Variants in MYO1D observed in about 807,000 individuals in gnomAD.
MYO1D encodes the protein unconventional myosin-Id.
MYO1D carries 83 observed loss-of-function variants against 122.0 expected under a neutral mutation model. The ratio of observed to expected loss-of-function variants is 0.68; its 90% CI spans 0.57 to 0.82. The LOEUF (loss-of-function observed/expected upper bound fraction) is 0.82. Ranked by LOEUF, MYO1D falls within the 40% of genes least tolerant of loss-of-function variation. The pLI is 0.00. For synonymous variants in MYO1D, 464 were observed against 446.9 expected, an observed-to-expected ratio of 1.04 and a Z score of -0.48; for missense variants, 1,157 against 1,269.5, an observed-to-expected ratio of 0.91 and a Z score of 1.35.
At chr17:32,747,658 G>A (rs920581867) in intron 12 of MYO1D, among the ~76,000 whole-genome samples, 3 of 152,054 alleles carry the variant, frequency 2.0e-5, no homozygotes, top group African/African-American at 4.8e-5. Flanking sequence ...CCAACATGGT[G>A]AAACCCCGTC....
At chr17:32,576,987 C>G (rs926291066) in intron 21 of MYO1D, among the ~76,000 whole-genome samples, 1 of 151,998 alleles carries the variant, frequency 6.6e-6, no homozygotes. Flanking sequence ...TGGTGGCTCA[C>G]GCCTGTAATC....
intron 1 of MYO1D, among the ~76,000 whole-genome samples, chr17:32,875,700 CCT>C (rs762532088): frequency 3.3e-5 from 5 of 152,076 alleles, no homozygotes; most frequent in African/African-American, 9.7e-5. Flanking sequence ...CTGATTGACC[CCT>C]GTCAACTGGA....
rs370054225 is a variant in MYO1D, at chr17:32,511,566, T to C, written c.2865-16651A>G. 2.6e-5 allele frequency among the ~76,000 whole-genome samples: 4 copies of C among 152,024 alleles called. No individual in the cohort carries two copies. In the South Asian group the frequency reaches 6.3e-4, roughly 24 times the overall value. ...CTCTAATGTCTGTAGGGCTTTATTT[T>C]ACATGTTTGAAAGAGGTTTTCGCCT... On this transcript the variant is annotated intron_variant, in intron 21 of 21. Transcript: ENST00000318217.
chr17:32,618,488 G>C (rs2087806957), intron 20 of MYO1D, among the ~76,000 whole-genome samples: 1 of 152,004 alleles, frequency 6.6e-6, no homozygotes, highest in African/African-American at 2.4e-5. Flanking sequence ...CAGGGATCAA[G>C]GGCACCATCA....
chr17:32,721,280 G>T (rs1481942743), intron 14 of MYO1D, 91 bp from the exon 15 acceptor site: 3 of 1,143,844 alleles, frequency 2.6e-6, no homozygotes. Flanking sequence ...ATTGTGTCAA[G>T]TTAAGCTCAG....
intron 19 of MYO1D, among the ~76,000 whole-genome samples, chr17:32,649,646 A>C (rs913852216): frequency 1.5e-5 from 2 of 135,092 alleles, no homozygotes; most frequent in African/African-American, 2.9e-5. Context: ...ATCTCAGCTC[A>C]CTGCAACCTC....
At chr17:32,533,119 T>C (rs1388046580) in intron 21 of MYO1D, among the ~76,000 whole-genome samples, 1 of 152,236 alleles carries the variant, frequency 6.6e-6, no homozygotes. Context: ...GACTTCTCTA[T>C]ATATTTTTTA....
intron 1 of MYO1D, among the ~76,000 whole-genome samples, chr17:32,832,270 CCTGA>C (rs1004469046): frequency 3.3e-5 from 5 of 151,484 alleles, no homozygotes; most frequent in African/African-American, 9.7e-5. Flanking sequence ...CACCACCACA[CCTGA>C]CTAATTTTTT....
chr17:32,762,871 CA>C (rs1446284453), intron 8 of MYO1D, among the ~76,000 whole-genome samples: 8 of 77,458 alleles, frequency 1.0e-4, no homozygotes, highest in Non-Finnish European at 1.2e-4. Context: ...GACACCGTCT[CA>C]AAAAAAAAAG....
At chr17:32,524,441 G>A (rs546742414) in intron 21 of MYO1D, among the ~76,000 whole-genome samples, 2 of 152,170 alleles carry the variant, frequency 1.3e-5, no homozygotes, top group South Asian at 4.2e-4. Context: ...CACCCAGGCT[G>A]GAGTGCGGTG....
chr17:32,525,717 G>T (rs2097755851), intron 21 of MYO1D, among the ~76,000 whole-genome samples: 1 of 152,156 alleles, frequency 6.6e-6, no homozygotes, highest in Non-Finnish European at 1.5e-5. Context: ...CCTCCCTGCA[G>T]TTTCTAATTG....
chr17:32,561,998 T>C (rs923084084), intron 21 of MYO1D, among the ~76,000 whole-genome samples: 3 of 150,254 alleles, frequency 2.0e-5, no homozygotes, highest in Admixed American at 2.0e-4. Context: ...TTCTCTCTCT[T>C]TTTTTTTTGG....
chr17:32,573,326 C>A (rs1331803396), intron 21 of MYO1D, among the ~76,000 whole-genome samples: 1 of 152,184 alleles, frequency 6.6e-6, no homozygotes, highest in South Asian at 2.1e-4. Context: ...AGGTACCAAT[C>A]ATCAGAGCCC....
At chr17:32,589,503 G>A (rs2087419898) in intron 21 of MYO1D, among the ~76,000 whole-genome samples, 1 of 152,186 alleles carries the variant, frequency 6.6e-6, no homozygotes, top group African/African-American at 2.4e-5. Flanking sequence ...TAAGGATGTG[G>A]TGCCTCTCGT....
intron 16 of MYO1D, among the ~76,000 whole-genome samples, chr17:32,663,842 T>TG (rs2088603064): frequency 6.6e-6 from 1 of 152,224 alleles, no homozygotes; most frequent in African/African-American, 2.4e-5. Flanking sequence ...TACTTCTCCA[T>TG]GCTCCATTCT....
At chr17:32,770,361 A>C (rs2090101061) in intron 6 of MYO1D, among the ~76,000 whole-genome samples, 1 of 152,152 alleles carries the variant, frequency 6.6e-6, no homozygotes, top group Non-Finnish European at 1.5e-5. Context: ...TTTTTAAATA[A>C]GGAAAAACAG....
At chr17:32,545,481 G>A (rs1311269378) in intron 21 of MYO1D, among the ~76,000 whole-genome samples, 1 of 152,150 alleles carries the variant, frequency 6.6e-6, no homozygotes, top group African/African-American at 2.4e-5. Context: ...GAACTAATGG[G>A]GAAAGGAACG....
intron 13 of MYO1D, among the ~76,000 whole-genome samples, chr17:32,740,586 C>T (rs2089760941): frequency 6.6e-6 from 1 of 152,084 alleles, no homozygotes; most frequent in Admixed American, 6.6e-5. Flanking sequence ...TCAAGTGATA[C>T]TCCACTTCAG....
At chr17:32,745,374 CGTTA>C (rs2089824438) in intron 12 of MYO1D, 89 bp from the exon 13 acceptor site, 4 of 738,624 alleles carry the variant, frequency 5.4e-6, no homozygotes, top group Non-Finnish European at 6.8e-6. Flanking sequence ...GCCTTTCCAC[CGTTA>C]ATTATGCAAT....
Sources: allele counts gnomAD v4.1 joint callset (sites outside exome capture counted in the v4.1 genomes callset), GRCh38; gene constraint gnomAD v4.1.1; transcripts MANE v1.5; gene names NCBI Gene and HGNC (gene_info 2026-07-23, HGNC 2026-07-21).